ADAR: variants seen among roughly 807,000 people sequenced by gnomAD.
The protein encoded by ADAR is double-stranded RNA-specific adenosine deaminase.
In ADAR, 41 loss-of-function variants were observed where a neutral mutation model predicts 113.2. The ratio of observed to expected loss-of-function variants is 0.36; its 90% CI spans 0.28 to 0.47. The LOEUF is 0.47. Ranked by LOEUF, ADAR falls within the 20% of genes least tolerant of loss-of-function variation. The pLI is 1.00. For missense variants in ADAR, 1,242 were observed against 1,540.9 expected, an observed-to-expected ratio of 0.81 and a Z score of 3.25; for synonymous variants, 605 against 572.6, an observed-to-expected ratio of 1.06 and a Z score of -0.81.
intron 1 of ADAR, chr1:154,606,136 G>A: frequency 6.0e-6 from 1 of 167,242 alleles, no homozygotes; most frequent in South Asian, 2.0e-4. Flanking sequence ...CCGCCTCCCG[G>A]GTTCAAGTGA....
At chr1:154,614,491 G>A (rs1189878068) in intron 1 of ADAR, among the ~76,000 whole-genome samples, 1 of 152,250 alleles carries the variant, frequency 6.6e-6, no homozygotes, top group Admixed American at 6.5e-5. Context: ...ATGGCTTGTA[G>A]AAAGCAGGAG....
chr1:154,602,708 T>C (rs1697968815), intron 1 of ADAR, 82 bp from the exon 2 acceptor site: 1 of 1,552,422 alleles, frequency 6.4e-7, no homozygotes. Flanking sequence ...TTGCTGCCTG[T>C]GGAACAGCCC....
chr1:154,600,822 C>T (rs1697819930), intron 2 of ADAR: 2 of 643,254 alleles, frequency 3.1e-6, no homozygotes, highest in South Asian at 1.9e-5. Flanking sequence ...GAGTCAACCT[C>T]CCCCTTGTTC....
At chr1:154,604,206 A>G (rs1163769349) in intron 1 of ADAR, among the ~76,000 whole-genome samples, 3 of 152,254 alleles carry the variant, frequency 2.0e-5, no homozygotes, top group Non-Finnish European at 2.9e-5. Context: ...TATTTATAAA[A>G]ACAGGTAGTT....
intron 2 of ADAR, 86 bp from the exon 3 acceptor site, chr1:154,598,671 C>T (rs1697664674): frequency 1.4e-6 from 2 of 1,417,054 alleles, no homozygotes; most frequent in African/African-American, 1.5e-5. Context: ...CTGGAATTTT[C>T]TGCTACGCTA....
Position 154,589,453 on chromosome 1 carries a change from C to T in ADAR, c.2678G>A (p.Cys893Tyr). 2 of 1,612,860 alleles carry T rather than the reference C, an allele frequency of 1.2e-6. No individual in the cohort carries two copies. The highest frequency in any genetic ancestry group is 1.7e-6 in the Non-Finnish European group (2 of 1,178,894). Residue 893 changes from cysteine to tyrosine, a missense_variant, in exon 9 of 15, where the codon TGT becomes TAT. Around this residue, in one of 2 missense-constraint regions of ADAR, gnomAD observed 780 missense variants for 1,057.9 expected, o/e 0.74. Coordinates refer to ENST00000368474, the MANE Select transcript of ADAR (RefSeq NM_001111.5). ...VVVSLGTGNRCVKGDSLSLKG... is the reference protein window; with the variant it reads ...VVVSLGTGNRYVKGDSLSLKG... ...TAGGCTGAGAGAATCTCCTTTCACA[C>T]AGCGATTCCCTAGGAAGGTGTTTAA...
upstream of ADAR, among the ~76,000 whole-genome samples, chr1:154,612,318 G>GTTTTTTTT (rs55714254): frequency 4.3e-5 from 3 of 69,178 alleles, 1 homozygote; most frequent in African/African-American, 1.8e-4. Flanking sequence ...AAATTACTCA[G>GTTTTTTTT]TTTTTTTTTT....
intron 1 of ADAR, among the ~76,000 whole-genome samples, chr1:154,605,087 T>C (rs1698104903): frequency 6.6e-6 from 1 of 152,200 alleles, no homozygotes; most frequent in Non-Finnish European, 1.5e-5. Flanking sequence ...CCTCCTGGCC[T>C]CATCTCCTGG....
In ADAR at chr1:154,608,066, T is replaced by C. The variant is rs1698321851; in HGVS notation, c.-60A>G. 3.3e-6 allele frequency: 5 copies of C among 1,521,354 alleles called. No individual in the cohort carries two copies. The highest frequency in any genetic ancestry group is 1.7e-4 in the Middle Eastern group (1 of 5,846). 94.2% of individuals were successfully genotyped at this position (1,521,354 alleles called of 1,614,324 possible). Reference sequence around the variant, plus strand: ...GGCGGCACGACCCTGGCCCGACCGCTGGGCCGCGCCAGCCCCTCGAGGCCC... The same window carrying C: ...GGCGGCACGACCCTGGCCCGACCGCCGGGCCGCGCCAGCCCCTCGAGGCCC... On this transcript the variant is annotated 5_prime_UTR_variant, in exon 1 of 15. Transcript: ENST00000368474.
intron 6 of ADAR, among the ~76,000 whole-genome samples, 170 bp from the exon 7 acceptor site, chr1:154,590,579 CAT>C (rs538905550): frequency 7.9e-5 from 12 of 152,244 alleles, no homozygotes; most frequent in South Asian, 4.2e-4. Flanking sequence ...TGAATCACCA[CAT>C]GATTTGTGCC....
rs1222970873 is a variant in ADAR at position 154,601,347 on chromosome 1, A to T, written c.1295T>A (p.Leu432Gln). The change falls in exon 2 of 15, where the codon CTG becomes CAG. Residue 432 changes from leucine to glutamine, a missense_variant. By Grantham distance (113) the Leu-to-Gln change is moderately radical. Coordinates refer to ENST00000368474, the MANE Select transcript of ADAR (RefSeq NM_001111.5). This position sits in a 1 kb window ranked among gnomAD's most constrained non-coding sequence, Gnocchi z 4.7. ...RQEARPEPAR[L>Q]KPPVHYNGPS... ...GCCATTGTAATGAACAGGTGGTTTC[A>T]GTCTTGCTGGTTCTGGTCTGGCCTC... The T allele has an allele frequency of 1.2e-5, 19 of 1,614,122 alleles. No homozygotes were observed. In the East Asian group the frequency reaches 4.2e-4, roughly 36 times the overall value.
intron 1 of ADAR, among the ~76,000 whole-genome samples, chr1:154,627,529 G>C (rs932498600): frequency 6.6e-5 from 10 of 152,338 alleles, no homozygotes; most frequent in Admixed American, 3.9e-4. Context: ...CCAGCTGTTG[G>C]GCCTTTGGTA....
At position 154,590,352 on chromosome 1, in the gene ADAR, G is replaced by C; in HGVS notation, c.2328C>G (p.Ser776Arg). The C allele has an allele frequency of 6.2e-7, 1 of 1,614,086 alleles. No homozygotes were observed. Among genetic ancestry groups the C allele is most frequent in the Non-Finnish European group, 8.5e-7 (1 of 1,180,026 alleles). ...GRWFPAVCAH[S>R]KKQGKQEAAD... ...CTGCTTCCTGCTTGCCTTGCTTCTT[G>C]CTGTGTGCGCAGACGGCTGGGAACC... Residue 776 changes from serine to arginine, a missense_variant, in exon 7 of 15, where the codon AGC becomes AGG. Physicochemically the swap from Ser to Arg is moderately radical, Grantham distance 110. Transcript: ENST00000368474.
At chr1:154,608,188 A>G, upstream of ADAR, 1 of 707,278 alleles carries the variant, frequency 1.4e-6, no homozygotes, top group Non-Finnish European at 2.2e-6. Flanking sequence ...CTCCGGTTCA[A>G]TTTCGCTTTC....
intron 14 of ADAR, 56 bp downstream of exon 14, chr1:154,585,161 A>G (rs781290471): frequency 3.2e-5 from 51 of 1,613,864 alleles, no homozygotes; most frequent in Admixed American, 5.0e-5. Context: ...GGTATGATGC[A>G]CCCTTGCAAG....
chr1:154,612,250 A>G (rs1698505036), upstream of ADAR, among the ~76,000 whole-genome samples: 1 of 151,550 alleles, frequency 6.6e-6, no homozygotes, highest in Admixed American at 6.6e-5. Flanking sequence ...TGGGACAGAA[A>G]TGTACTGCCT....
chr1:154,590,303 T>C lies in ADAR; in HGVS notation c.2377A>G (p.Ile793Val). The C allele has an allele frequency of 6.2e-7, 1 of 1,614,130 alleles. No individual in the cohort carries two copies. Among genetic ancestry groups the C allele is most frequent in the Non-Finnish European group, 8.5e-7 (1 of 1,180,018 alleles). Reference sequence around the variant, plus strand: ...CGTTCTGCCTTCTCGTTCTCCCCAATCAAGACACGGAGAGCCGCATCTGCT... The same window carrying C: ...CGTTCTGCCTTCTCGTTCTCCCCAACCAAGACACGGAGAGCCGCATCTGCT... ...EAADAALRVL[I>V]GENEKAERMG... The change falls in exon 7 of 15, where the codon ATT (isoleucine) becomes GTT (valine). Residue 793 changes from isoleucine (I) to valine (V), a missense_variant. This residue lies in a region of ADAR where 780 missense variants were observed against 1,057.9 expected (regional missense o/e 0.74). Transcript: ENST00000368474.
chr1:154,617,791 T>G (rs1371907456), intron 1 of ADAR, among the ~76,000 whole-genome samples: 1 of 152,086 alleles, frequency 6.6e-6, no homozygotes, highest in Non-Finnish European at 1.5e-5. Flanking sequence ...AATATGGTAT[T>G]TAACACATGT....
chr1:154,613,930 A>G (rs1423265013), intron 1 of ADAR, among the ~76,000 whole-genome samples: 12 of 151,740 alleles, frequency 7.9e-5, no homozygotes, highest in Admixed American at 7.9e-4. Flanking sequence ...GAAAGCAAGA[A>G]ATGCCTCAGG....
Sources: allele counts gnomAD v4.1 joint callset (sites outside exome capture counted in the v4.1 genomes callset), GRCh38; gene constraint gnomAD v4.1.1; regional missense constraint gnomAD v4.1.1; non-coding constraint Gnocchi (gnomAD v3.1); transcripts MANE v1.5; gene names NCBI Gene and HGNC (gene_info 2026-07-23, HGNC 2026-07-21).